GBE1: variants seen among roughly 807,000 people sequenced by gnomAD.
GBE1 encodes the protein 1,4-alpha-glucan branching enzyme 1.
Under a neutral mutation model 88.8 loss-of-function variants are expected in GBE1, and 70 were observed. The observed-to-expected ratio is 0.79, with a 90% CI of 0.65 to 0.96. The LOEUF (loss-of-function observed/expected upper bound fraction) is 0.96, where lower values mean the gene tolerates loss of function less well. Among genes scored for constraint, GBE1 ranks in the 40% least tolerant of loss-of-function variants. The probability of loss-of-function intolerance (pLI) is 0.00; values close to 1 mark genes in which losing one functional copy is unlikely to be tolerated. For missense variants in GBE1, 872 were observed against 871.0 expected, an observed-to-expected ratio of 1.00 and a Z score of -0.01; for synonymous variants, 284 against 300.1, an observed-to-expected ratio of 0.95 and a Z score of 0.56.
chr3:81,581,331 T>A (rs958774860), intron 10 of GBE1, 56 bp from the exon 11 acceptor site: 108 of 980,294 alleles, frequency 1.1e-4, no homozygotes, highest in Non-Finnish European at 1.3e-4. Flanking sequence ...TTCTTATTTT[T>A]AAATCACAAT....
At chr3:81,653,024 T>C (rs1704873130) in intron 3 of GBE1, among the ~76,000 whole-genome samples, 1 of 152,206 alleles carries the variant, frequency 6.6e-6, no homozygotes, top group Admixed American at 6.5e-5. Context: ...GCTTGATTGA[T>C]CTTTCAACAA....
intron 2 of GBE1, among the ~76,000 whole-genome samples, chr3:81,687,581 A>G (rs930993912): frequency 1.3e-5 from 2 of 152,196 alleles, no homozygotes; most frequent in Admixed American, 6.5e-5. Context: ...GCTACCATGG[A>G]GAATGTAAGA....
chr3:81,741,157 C>A (rs1226946934), intron 1 of GBE1, among the ~76,000 whole-genome samples: 4 of 152,110 alleles, frequency 2.6e-5, no homozygotes, highest in African/African-American at 9.7e-5. Flanking sequence ...ATAAAAACAT[C>A]TTTGATGCCA....
intron 7 of GBE1, among the ~76,000 whole-genome samples, chr3:81,635,177 C>T (rs932391345): frequency 1.1e-4 from 16 of 152,156 alleles, no homozygotes; most frequent in African/African-American, 3.6e-4. Flanking sequence ...AAAGTCTAAT[C>T]TTGGGGAGAC....
intron 12 of GBE1, among the ~76,000 whole-genome samples, chr3:81,544,732 C>T (rs1703183460): frequency 1.3e-5 from 2 of 152,200 alleles, no homozygotes; most frequent in African/African-American, 4.8e-5. Flanking sequence ...AGCAAAATTC[C>T]AATTGGGACT....
chr3:81,578,565 A>G (rs182791692), intron 11 of GBE1, among the ~76,000 whole-genome samples: 2 of 151,604 alleles, frequency 1.3e-5, no homozygotes, highest in African/African-American at 2.4e-5. Flanking sequence ...GTGTATAAAT[A>G]TATCACAATA....
intron 14 of GBE1, among the ~76,000 whole-genome samples, chr3:81,512,599 G>A (rs1459448292): frequency 1.3e-5 from 2 of 151,800 alleles, no homozygotes; most frequent in African/African-American, 4.8e-5. Context: ...ACAAAAAGAT[G>A]AATTATCTGG....
chr3:81,750,611 ATATATGTATATATATATACG>A (rs1706502584), intron 1 of GBE1, among the ~76,000 whole-genome samples: 6 of 59,524 alleles, frequency 1.0e-4, no homozygotes, highest in African/African-American at 5.4e-4. Context: ...GTGTATATAT[ATATATGTATATATATATACG>A]TATATATATA....
intron 1 of GBE1, 117 bp from the exon 2 acceptor site, chr3:81,705,730 G>T (rs1311818440): frequency 1.2e-5 from 7 of 574,570 alleles, no homozygotes; most frequent in South Asian, 7.4e-5. Flanking sequence ...TATTAAAGAA[G>T]AATAATATAA....
Position 81,499,123 on chromosome 3 carries a change from G to C in GBE1, c.2039C>G (p.Pro680Arg). 1 of 1,581,312 alleles carries C rather than the reference G, an allele frequency of 6.3e-7. No homozygotes were observed. The highest frequency in any genetic ancestry group is 8.7e-7 in the Non-Finnish European group (1 of 1,152,448). ...AAACTTACTTACCAAAAGAGAATAG[G>C]GACGCCCATTATGTTCAAAAGCCTC... ...FSEAFEHNGR[P>R]YSLLVYIPSR... Residue 680 changes from proline to arginine, a missense_variant, in exon 15 of 16, where the codon CCC becomes CGC. Transcript: ENST00000429644.
At chr3:81,535,079 G>A in intron 14 of GBE1, 116 bp downstream of exon 14, 1 of 955,268 alleles carries the variant, frequency 1.0e-6, no homozygotes, top group Non-Finnish European at 1.5e-6. Context: ...TTTCAGATGA[G>A]GAAAATGAAT....
chr3:81,610,895 C>A (rs1462371018), intron 7 of GBE1, among the ~76,000 whole-genome samples: 1 of 152,076 alleles, frequency 6.6e-6, no homozygotes, highest in African/African-American at 2.4e-5. Flanking sequence ...TTAACATAAA[C>A]CTTCATTCAC....
At chr3:81,734,930 AGT>A (rs1023985318) in intron 1 of GBE1, among the ~76,000 whole-genome samples, 6 of 152,206 alleles carry the variant, frequency 3.9e-5, no homozygotes, top group Non-Finnish European at 8.8e-5. Flanking sequence ...CATTGAGAAT[AGT>A]GTGATGAAAT....
At position 81,543,107 on chromosome 3, in the gene GBE1, A is replaced by G. The variant is rs1334807246; in HGVS notation, c.1619-6012T>C. ...CATATAATATGTAATATGAAATTAAATTTCTAAGTTAGAAAATAGAACTTT... is the reference window on the plus strand; with the variant it reads ...CATATAATATGTAATATGAAATTAAGTTTCTAAGTTAGAAAATAGAACTTT... On this transcript the variant is annotated intron_variant, in intron 12 of 15. Transcript: ENST00000429644. Among the ~76,000 whole-genome samples, 4 of 152,260 alleles carry G rather than the reference A, an allele frequency of 2.6e-5. No individual in the cohort carries two copies. The East Asian group carries it at 7.7e-4, about 29-fold the overall frequency.
intron 1 of GBE1, 139 bp downstream of exon 1, chr3:81,761,236 C>A: frequency 1.7e-6 from 2 of 1,150,034 alleles, no homozygotes; most frequent in Non-Finnish European, 2.4e-6. Flanking sequence ...CCCGAGTCAC[C>A]CCGAGCCCCG....
At chr3:81,740,275 T>C (rs1706327305) in intron 1 of GBE1, among the ~76,000 whole-genome samples, 1 of 117,430 alleles carries the variant, frequency 8.5e-6, no homozygotes, top group South Asian at 2.5e-4. Context: ...GTATTGGTTA[T>C]TTATTATTTA....
chr3:81,545,714 T>C (rs2106884888), intron 12 of GBE1, among the ~76,000 whole-genome samples: 1 of 152,218 alleles, frequency 6.6e-6, no homozygotes, highest in Admixed American at 6.5e-5. Flanking sequence ...CAGTTACCCA[T>C]GGTCAACTGT....
intron 12 of GBE1, among the ~76,000 whole-genome samples, chr3:81,546,017 A>G (rs1287423432): frequency 1.3e-5 from 2 of 152,110 alleles, no homozygotes; most frequent in African/African-American, 4.8e-5. Context: ...CTGTTATAAT[A>G]GTTCTATGTT....
intron 14 of GBE1, among the ~76,000 whole-genome samples, chr3:81,533,339 A>G (rs569619229): frequency 4.0e-5 from 6 of 151,792 alleles, no homozygotes; most frequent in African/African-American, 1.5e-4. Context: ...ATAACCCATC[A>G]CATTGATTTA....
Sources: allele counts gnomAD v4.1 joint callset (sites outside exome capture counted in the v4.1 genomes callset), GRCh38; gene constraint gnomAD v4.1.1; transcripts MANE v1.5; gene names NCBI Gene and HGNC (gene_info 2026-07-23, HGNC 2026-07-21).